Variants in EFHD2 observed in about 807,000 individuals in gnomAD.
EFHD2 encodes EF-hand domain family member D2.
A neutral mutation model predicts 20.3 loss-of-function variants in EFHD2; 12 were observed. The ratio of observed to expected loss-of-function variants is 0.59; its 90% CI spans 0.38 to 0.96. The LOEUF is 0.96. Among genes scored for constraint, EFHD2 ranks in the 40% least tolerant of loss-of-function variants. The probability of loss-of-function intolerance (pLI) is 0.00; values close to 1 mark genes in which losing one functional copy is unlikely to be tolerated. For missense variants in EFHD2, 250 were observed against 334.3 expected (o/e 0.75, Z 1.97); for synonymous variants, 131 against 143.9 (o/e 0.91, Z 0.64).
chr1:15,410,300 GC>G (rs1707452209), intron 1 of EFHD2, 21 bp downstream of exon 1: 4 of 1,565,632 alleles, frequency 2.6e-6, no homozygotes, highest in Admixed American at 3.7e-5. Flanking sequence ...GCGCGACCCG[GC>G]CCCCCGCCCG....
At chr1:15,423,318 G>A (rs1480996238) in intron 1 of EFHD2, among the ~76,000 whole-genome samples, 4 of 152,154 alleles carry the variant, frequency 2.6e-5, no homozygotes, top group African/African-American at 9.7e-5. Flanking sequence ...GGCAGAAGCC[G>A]CAGGACCCTG....
chr1:15,414,680 T>C (rs1707622921), intron 1 of EFHD2, among the ~76,000 whole-genome samples: 1 of 152,206 alleles, frequency 6.6e-6, no homozygotes, highest in Non-Finnish European at 1.5e-5. Context: ...AGCTTCCAGG[T>C]CTGCCAGGTT....
At position 15,428,883 on chromosome 1, in the gene EFHD2, G is replaced by A; in HGVS notation, c.*159G>A. 2 of 1,156,172 alleles carry A rather than the reference G, an allele frequency of 1.7e-6. No individual in the cohort carries two copies. The highest frequency in any genetic ancestry group is 4.9e-5 in the Admixed American group (2 of 40,488). The allele number at this position is 1,156,172 out of a possible 1,614,324, so 71.6% of individuals were successfully genotyped here. Reference sequence around the variant, plus strand: ...GCAAGTTCAGGGGTCTTATGGAGGTGGCCCGGCCCCTCCCCGCTCCCTTCC... The same window carrying A: ...GCAAGTTCAGGGGTCTTATGGAGGTAGCCCGGCCCCTCCCCGCTCCCTTCC... On this transcript the variant is annotated 3_prime_UTR_variant, in exon 4 of 4. Coordinates refer to ENST00000375980, the MANE Select transcript of EFHD2 (RefSeq NM_024329.6).
chr1:15,418,076 G>A (rs1298736002), intron 1 of EFHD2, among the ~76,000 whole-genome samples: 3 of 130,766 alleles, frequency 2.3e-5, no homozygotes, highest in Non-Finnish European at 4.7e-5. Context: ...TGCAGCCTCC[G>A]CCTCCCGGGT....
rs373732776 is a variant in EFHD2 at position 15,413,894 on chromosome 1, G to T, written c.308+3615G>T. Among the ~76,000 whole-genome samples, 1 of 152,186 alleles carries T rather than the reference G, an allele frequency of 6.6e-6. No individual in the cohort carries two copies. The highest frequency in any genetic ancestry group is 1.5e-5 in the Non-Finnish European group (1 of 68,034). ...GCCAGGACTCTCCATCCCCGTCTCC[G>T]TGCGGCCTCAGGCTACGTCCAGCAT... On this transcript the variant is annotated intron_variant, in intron 1 of 3. Transcript: ENST00000375980. The surrounding 1 kb of genome is among the most constrained non-coding windows in gnomAD (Gnocchi z 4.4).
Position 15,410,085 on chromosome 1 carries a change from G to C in EFHD2, c.114G>C (p.Ala38=), listed in dbSNP as rs1018277628. 1 of 1,414,012 alleles carries C rather than the reference G, an allele frequency of 7.1e-7. No homozygotes were observed. Among genetic ancestry groups the C allele is most frequent in the Non-Finnish European group, 9.2e-7 (1 of 1,089,438 alleles). 87.6% of individuals were successfully genotyped at this position (1,414,012 alleles called of 1,614,324 possible). A position where few individuals can be genotyped will look rare whatever the true frequency, so the allele number is the denominator to read the frequency against. The change falls in exon 1 of 4, where the codon GCG becomes GCC. Residue 38 remains alanine, a synonymous_variant. Transcript: ENST00000375980. Reference sequence around the variant, plus strand: ...TGAACGGGGCAGCGGCGGCGGCGGCGGGGGCACCCGACGAGGCGGCCGAGG... The same window carrying C: ...TGAACGGGGCAGCGGCGGCGGCGGCCGGGGCACCCGACGAGGCGGCCGAGG... ...PGLNGAAAAA[A]GAPDEAAEAL... is the part of the protein sequence containing the mutation.
chr1:15,411,778 A>C (rs1707525206), intron 1 of EFHD2, among the ~76,000 whole-genome samples: 2 of 152,138 alleles, frequency 1.3e-5, no homozygotes, highest in Admixed American at 6.5e-5. Flanking sequence ...GCTGGGCAGG[A>C]GGTGGGGGCA....
Position 15,409,968 on chromosome 1 carries a change from C to T in EFHD2, c.-4C>T, listed in dbSNP as rs572954510. ...CGGCCAAGGCGAGTGCCGCGCGGGC[C>T]ACCATGGCCACGGACGAGCTGGCCA... On this transcript the variant is annotated 5_prime_UTR_variant, in exon 1 of 4. Transcript: ENST00000375980. 3.2e-6 allele frequency: 4 copies of T among 1,237,478 alleles called. No individual in the cohort carries two copies. The highest frequency in any genetic ancestry group is 6.7e-5 in the East Asian group (2 of 29,684). The allele number at this position is 1,237,478 out of a possible 1,614,324, so 76.7% of individuals were successfully genotyped here.
chr1:15,410,835 C>G (rs566600780), intron 1 of EFHD2, among the ~76,000 whole-genome samples: 1 of 149,396 alleles, frequency 6.7e-6, no homozygotes, highest in East Asian at 2.0e-4. Context: ...CTTTTCGTTT[C>G]CTCTGCGATC....
chr1:15,409,890 G>C lies in EFHD2; in HGVS notation c.-82G>C, dbSNP rs1707423356. On this transcript the variant is annotated 5_prime_UTR_variant, in exon 1 of 4. Transcript: ENST00000375980. ...TCGGGGGCGGTGCCTGGCCCGGGGA[G>C]TGTCAGGAAGAGGAAGAGCGCGGCC... 2 of 1,182,042 alleles carry C rather than the reference G, an allele frequency of 1.7e-6. No homozygotes were observed. Among genetic ancestry groups the C allele is most frequent in the African/African-American group, 3.2e-5 (2 of 62,386 alleles). The allele number at this position is 1,182,042 out of a possible 1,614,324, so 73.2% of individuals were successfully genotyped here. A position where few individuals can be genotyped will look rare whatever the true frequency, so the allele number is the denominator to read the frequency against.
At chr1:15,415,140 T>G (rs1707636410) in intron 1 of EFHD2, among the ~76,000 whole-genome samples, 1 of 152,174 alleles carries the variant, frequency 6.6e-6, no homozygotes, top group African/African-American at 2.4e-5. Flanking sequence ...AGATATTAAG[T>G]TTTTGCGCTA....
intron 1 of EFHD2, among the ~76,000 whole-genome samples, chr1:15,419,059 A>G (rs1707741812): frequency 6.6e-6 from 1 of 152,250 alleles, no homozygotes; most frequent in African/African-American, 2.4e-5. Context: ...ACCTGGGTGC[A>G]AGGCTGGGAC....
chr1:15,427,076 T>C, intron 2 of EFHD2, 74 bp from the exon 3 acceptor site: 1 of 1,559,520 alleles, frequency 6.4e-7, no homozygotes. Context: ...GGCTGGGGCC[T>C]GGGTGCGGCC....
At chr1:15,428,541 C>G in intron 3 of EFHD2, 52 bp from the exon 4 acceptor site, 7 of 1,572,744 alleles carry the variant, frequency 4.5e-6, no homozygotes, top group Non-Finnish European at 6.0e-6. Flanking sequence ...GCACAGAGAA[C>G]CCCCAACATA....
chr1:15,414,847 G>A (rs1288736451), intron 1 of EFHD2, among the ~76,000 whole-genome samples: 7 of 152,186 alleles, frequency 4.6e-5, no homozygotes, highest in Non-Finnish European at 8.8e-5. Context: ...TTCAGGGAAG[G>A]CAGGTGGCAC....
At chr1:15,410,321 C>T (rs763013908) in intron 1 of EFHD2, 42 bp downstream of exon 1, 7 of 1,532,052 alleles carry the variant, frequency 4.6e-6, no homozygotes, top group Non-Finnish European at 6.1e-6. Context: ...GCCCCGCGAC[C>T]CGGTCTCGGG....
In EFHD2 at chr1:15,418,639, C is replaced by A. The variant is rs187892049; in HGVS notation, c.309-7232C>A. ...TAATAGTTCCAAAGCCAAGATAGGC[C>A]CCCCCTTAAGTAAGCAATGAGCTTC... is the stretch of plus-strand genomic sequence containing the variant. On this transcript the variant is annotated intron_variant, in intron 1 of 3. Coordinates refer to ENST00000375980, the MANE Select transcript of EFHD2 (RefSeq NM_024329.6). Among the ~76,000 whole-genome samples the A allele has an allele frequency of 3.3e-3, 489 of 149,900 alleles. 1 individual carries two copies. The highest frequency in any genetic ancestry group is 0.011 in the African/African-American group (443 of 40,880).
In EFHD2 at chr1:15,410,179, G is replaced by C. The variant is rs772503049; in HGVS notation, c.208G>C (p.Gly70Arg). ...LRRADLNQGI[G>R]EPQSPSRRVF... ...GCGCGCAGACCTCAACCAGGGCATC[G>C]GCGAGCCCCAGTCGCCCAGCCGCCG... The change falls in exon 1 of 4, where the codon GGC becomes CGC. Residue 70 changes from glycine (G) to arginine (R), a missense_variant. This residue lies in a region of EFHD2 where 143 missense variants were observed against 190.6 expected (regional missense o/e 0.75). Coordinates refer to ENST00000375980, the MANE Select transcript of EFHD2 (RefSeq NM_024329.6). 2 of 1,604,784 alleles carry C rather than the reference G, an allele frequency of 1.2e-6. No individual in the cohort carries two copies. Among genetic ancestry groups the C allele is most frequent in the Non-Finnish European group, 1.7e-6 (2 of 1,176,804 alleles).
rs1707871027 is a variant in EFHD2, at chr1:15,426,233, G to A, written c.456+215G>A. On this transcript the variant is annotated intron_variant, in intron 2 of 3. Transcript: ENST00000375980. The surrounding 1 kb of genome is among the most constrained non-coding windows in gnomAD (Gnocchi z 4.6). ...CTGAGATCCTCTCGGGGAGGAAGAG[G>A]AGGGAGGGACAGCCCTTCCTTCACA... Among the ~76,000 whole-genome samples, 1 of 152,238 alleles carries A rather than the reference G, an allele frequency of 6.6e-6. No homozygotes were observed.
Sources: gnomAD v4.1 joint callset for allele counts (sites outside exome capture counted in the v4.1 genomes callset) on GRCh38, gnomAD v4.1.1 for gene constraint, gnomAD v4.1.1 regional missense constraint, Gnocchi (gnomAD v3.1) non-coding constraint, MANE v1.5 for transcripts, NCBI Gene and HGNC (gene_info 2026-07-23, HGNC 2026-07-21) for gene names.